EXPH5: variants seen among roughly 807,000 people sequenced by gnomAD.
EXPH5 encodes the protein exophilin-5.
A neutral mutation model predicts 41.1 loss-of-function variants in EXPH5; 42 were observed. The ratio of observed to expected loss-of-function variants is 1.02; its 90% CI spans 0.80 to 1.32. The LOEUF is 1.32. EXPH5 is among the 40% of genes most tolerant of loss of function. The pLI is 0.00. For missense variants in EXPH5, 2,298 were observed against 2,314.5 expected, an observed-to-expected ratio of 0.99 and a Z score of 0.15; for synonymous variants, 798 against 833.5, an observed-to-expected ratio of 0.96 and a Z score of 0.73.
At chr11:108,576,068 C>T (rs1034709391) in intron 1 of EXPH5, among the ~76,000 whole-genome samples, 2 of 152,172 alleles carry the variant, frequency 1.3e-5, no homozygotes, top group Non-Finnish European at 2.9e-5. Context: ...TAATTCCATT[C>T]CTACCTATAT....
intron 1 of EXPH5, among the ~76,000 whole-genome samples, chr11:108,564,242 C>T (rs530484444): frequency 2.6e-5 from 4 of 152,050 alleles, no homozygotes; most frequent in African/African-American, 9.6e-5. Context: ...GAGCTGAGAT[C>T]GCACCACTAC....
chr11:108,543,601 TTTGTA>T (rs1435001843), intron 1 of EXPH5, among the ~76,000 whole-genome samples: 1 of 152,208 alleles, frequency 6.6e-6, no homozygotes, highest in East Asian at 1.9e-4. Context: ...TGTTAGGGTC[TTTGTA>T]TTGCTAAGGG....
At chr11:108,592,572 G>A (rs985640214) in intron 1 of EXPH5, among the ~76,000 whole-genome samples, 5 of 152,172 alleles carry the variant, frequency 3.3e-5, no homozygotes, top group African/African-American at 7.2e-5. Flanking sequence ...ATATTGGCGA[G>A]AGAGTCCCTT....
At chr11:108,595,771 G>C (rs1021281202), upstream of EXPH5, among the ~76,000 whole-genome samples, 1 of 152,200 alleles carries the variant, frequency 6.6e-6, no homozygotes, top group Non-Finnish European at 1.5e-5. Context: ...TAGAAACACT[G>C]GGCTAGTGCT....
At chr11:108,561,470 T>C (rs2094011372) in intron 1 of EXPH5, among the ~76,000 whole-genome samples, 3 of 152,090 alleles carry the variant, frequency 2.0e-5, no homozygotes, top group Admixed American at 6.5e-5. Context: ...TGGTGGTAGA[T>C]CTGTCTGAAA....
rs1258727411 is a variant in EXPH5, at chr11:108,513,541, T to A, written c.1966A>T (p.Ile656Phe). The A allele has an allele frequency of 2.5e-6, 4 of 1,614,066 alleles. No homozygotes were observed. Among genetic ancestry groups the A allele is most frequent in the Non-Finnish European group, 3.4e-6 (4 of 1,180,012 alleles). ...TGAGAGGCAGGCTTATTTGGAAAAA[T>A]TTTCTGCAAAGTGACTGTGGGATTC... ...LQNPTVTLQK[I>F]FPNKPASHPM... Residue 656 changes from isoleucine to phenylalanine, a missense_variant, in exon 6 of 6, where the codon ATT (isoleucine) becomes TTT (phenylalanine). Ile to Phe is a conservative substitution (Grantham distance 21, BLOSUM62 0). Coordinates refer to ENST00000265843, the MANE Select transcript of EXPH5 (RefSeq NM_015065.3).
intron 1 of EXPH5, among the ~76,000 whole-genome samples, chr11:108,546,943 C>T (rs1405032297): frequency 1.3e-5 from 2 of 151,882 alleles, no homozygotes; most frequent in African/African-American, 4.8e-5. Flanking sequence ...GCTGGGACTA[C>T]AGGCACGTGC....
chr11:108,549,554 A>G (rs946114881), intron 1 of EXPH5, among the ~76,000 whole-genome samples: 5 of 152,118 alleles, frequency 3.3e-5, no homozygotes, highest in African/African-American at 9.7e-5. Context: ...TCCAGGACAA[A>G]TTAATTATGT....
At chr11:108,546,949 C>T (rs2093941141) in intron 1 of EXPH5, among the ~76,000 whole-genome samples, 1 of 151,584 alleles carries the variant, frequency 6.6e-6, no homozygotes, top group South Asian at 2.1e-4. Context: ...ACTACAGGCA[C>T]GTGCCACCAC....
At chr11:108,585,333 C>T (rs1408809685) in intron 1 of EXPH5, among the ~76,000 whole-genome samples, 2 of 152,326 alleles carry the variant, frequency 1.3e-5, no homozygotes, top group African/African-American at 4.8e-5. Context: ...TGAGCCCTAC[C>T]CCTCAAGGTG....
intron 3 of EXPH5, among the ~76,000 whole-genome samples, chr11:108,529,142 A>T (rs986952546): frequency 1.3e-5 from 2 of 152,136 alleles, no homozygotes; most frequent in African/African-American, 4.8e-5. Flanking sequence ...AAGTAAAAAA[A>T]AAAAGAGAGA....
intron 1 of EXPH5, among the ~76,000 whole-genome samples, chr11:108,592,569 CGA>C (rs1237201950): frequency 6.6e-6 from 1 of 152,178 alleles, no homozygotes; most frequent in Non-Finnish European, 1.5e-5. Flanking sequence ...CCAATATTGG[CGA>C]GAGAGTCCCT....
Position 108,593,755 on chromosome 11 carries a change from C to A in EXPH5, c.-219G>T, listed in dbSNP as rs780040532. The A allele has an allele frequency of 4.6e-5, 70 of 1,535,944 alleles. No homozygotes were observed. The highest frequency in any genetic ancestry group is 5.9e-5 in the Non-Finnish European group (68 of 1,146,898). ...ACATGTTTCTCTCAACCTGTCCAAC[C>A]GAGATGCAAAGTGAACGGCTAAAGG... On this transcript the variant is annotated 5_prime_UTR_variant, in exon 1 of 6. Coordinates refer to ENST00000265843, the MANE Select transcript of EXPH5 (RefSeq NM_015065.3).
At position 108,527,703 on chromosome 11, in the gene EXPH5, C is replaced by A. The variant is rs187914109; in HGVS notation, c.492+433G>T. Among the ~76,000 whole-genome samples the A allele has an allele frequency of 1.7e-3, 265 of 152,284 alleles. 3 individuals carry two copies. Among genetic ancestry groups the A allele is most frequent in the African/African-American group, 6.4e-3 (264 of 41,560 alleles). ...TGAGGAAGCATCTCGCTGGGTCAAC[C>A]CTCATGCGAACTTTTTCCTGCATCT... On this transcript the variant is annotated intron_variant, in intron 4 of 5. Coordinates refer to ENST00000265843, the MANE Select transcript of EXPH5 (RefSeq NM_015065.3).
intron 1 of EXPH5, among the ~76,000 whole-genome samples, chr11:108,589,561 A>G (rs966160357): frequency 6.6e-6 from 1 of 152,236 alleles, no homozygotes; most frequent in Non-Finnish European, 1.5e-5. Context: ...TAGACATGCC[A>G]TTTAAAAACT....
intron 5 of EXPH5, among the ~76,000 whole-genome samples, chr11:108,515,854 C>CCT (rs2093721917): frequency 6.6e-6 from 1 of 151,974 alleles, no homozygotes; most frequent in South Asian, 2.1e-4. Context: ...GGGCGGATCA[C>CCT]GAGGTCAGGA....
rs778291825 is a variant in EXPH5, at chr11:108,511,155, C to T, written c.4352G>A (p.Gly1451Asp). The T allele has an allele frequency of 6.2e-7, 1 of 1,613,408 alleles. No individual in the cohort carries two copies. The highest frequency in any genetic ancestry group is 8.5e-7 in the Non-Finnish European group (1 of 1,179,690). Reference sequence around the variant, plus strand: ...ACTTCCAGTAAATGGAATGGCTCTACCACTCCCTGTACACTCCCAAGAACT... The same window carrying T: ...ACTTCCAGTAAATGGAATGGCTCTATCACTCCCTGTACACTCCCAAGAACT... Reference protein sequence around the residue: ...RRSSWECTGSGRAIPFTGSGK... With the variant: ...RRSSWECTGSDRAIPFTGSGK... Residue 1451 changes from glycine to aspartate, a missense_variant, in exon 6 of 6, where the codon GGT becomes GAT. Physicochemically the swap from Gly to Asp is moderately conservative, Grantham distance 94 (BLOSUM62 -1). Transcript: ENST00000265843.
chr11:108,523,190 A>G (rs2093776293), intron 4 of EXPH5, among the ~76,000 whole-genome samples: 1 of 152,128 alleles, frequency 6.6e-6, no homozygotes, highest in Non-Finnish European at 1.5e-5. Context: ...ACTTTCTTGT[A>G]TTTGAACAAA....
Position 108,538,968 on chromosome 11 carries a change from C to G in EXPH5, c.443+56G>C. 4.3e-6 allele frequency: 6 copies of G among 1,405,190 alleles called. No homozygotes were observed. In the South Asian group the frequency reaches 9.0e-5, roughly 21 times the overall value. 87.0% of individuals were successfully genotyped at this position (1,405,190 alleles called of 1,614,324 possible). ...AACATTTTGAACACAAAACAGGCTG[C>G]TGGCCTCTGATATCGGATAACAAAT... On this transcript the variant is annotated intron_variant, in intron 3 of 5. Transcript: ENST00000265843.
Sources: gnomAD v4.1 joint callset for allele counts (sites outside exome capture counted in the v4.1 genomes callset) on GRCh38, gnomAD v4.1.1 for gene constraint, MANE v1.5 for transcripts, NCBI Gene and HGNC (gene_info 2026-07-23, HGNC 2026-07-21) for gene names.